VPS35: variants seen among roughly 807,000 people sequenced by gnomAD.
The protein encoded by VPS35 is vacuolar protein sorting-associated protein 35.
Under a neutral mutation model 98.1 loss-of-function variants are expected in VPS35, and 21 were observed. The ratio of observed to expected loss-of-function variants is 0.21; its 90% CI spans 0.15 to 0.31. VPS35 has a LOEUF of 0.31. VPS35 is among the 10% of genes least tolerant of loss of function. The probability of loss-of-function intolerance (pLI) is 1.00; values close to 1 mark genes in which losing one functional copy is unlikely to be tolerated. For synonymous variants in VPS35, 268 were observed against 318.2 expected, an observed-to-expected ratio of 0.84 and a Z score of 1.68; for missense variants, 554 against 950.8, an observed-to-expected ratio of 0.58 and a Z score of 5.49.
At chr16:46,687,187 C>A (rs1966329916) in intron 1 of VPS35, among the ~76,000 whole-genome samples, 1 of 152,114 alleles carries the variant, frequency 6.6e-6, no homozygotes, top group Non-Finnish European at 1.5e-5. Context: ...TCTGACAGTA[C>A]AATGTAAACC....
Position 46,682,160 on chromosome 16 carries a change from T to C in VPS35, c.118A>G (p.Met40Val). ...MKRCLDKNKL[M>V]DALKHASNML... ...TTAGAAGCATGTTTTAGAGCATCCA[T>C]AAGCTTGTTTTTGTCCTACAGAAAT... The change falls in exon 3 of 17, where the codon ATG becomes GTG. Residue 40 changes from methionine (M) to valine (V), a missense_variant. This residue lies in a region of VPS35 where 67 missense variants were observed against 103.3 expected (regional missense o/e 0.65). Coordinates refer to ENST00000299138, the MANE Select transcript of VPS35 (RefSeq NM_018206.6). 3 of 1,613,360 alleles carry C rather than the reference T, an allele frequency of 1.9e-6. No homozygotes were observed. The highest frequency in any genetic ancestry group is 2.5e-6 in the Non-Finnish European group (3 of 1,179,434).
chr16:46,684,556 A>T (rs951487276), intron 1 of VPS35, among the ~76,000 whole-genome samples: 3 of 152,222 alleles, frequency 2.0e-5, no homozygotes, highest in Non-Finnish European at 4.4e-5. Context: ...CCATCAGCAA[A>T]AATCTGCTTG....
chr16:46,683,985 C>A (rs1198711123), intron 1 of VPS35, among the ~76,000 whole-genome samples: 1 of 152,194 alleles, frequency 6.6e-6, no homozygotes, highest in Admixed American at 6.5e-5. Flanking sequence ...CTCGACCTCC[C>A]AAAGTGCTTG....
rs546485076 is a variant in VPS35 at position 46,663,862 on chromosome 16, A to ATTTTTTTTTTTTTTT, written c.1648-715_1648-701dup. ...AGGCTTGCATCACCACACCTGGCTA[A>ATTTTTTTTTTTTTTT]TTTTTTTTTTTTTTTTTTTTTTTTT... On this transcript the variant is annotated intron_variant, in intron 13 of 16. Transcript: ENST00000299138. 8.8e-3 allele frequency among the ~76,000 whole-genome samples: 253 copies of ATTTTTTTTTTTTTTT among 28,684 alleles called. 82 individuals are homozygous for ATTTTTTTTTTTTTTT. Among genetic ancestry groups the ATTTTTTTTTTTTTTT allele is most frequent in the African/African-American group, 0.011 (87 of 7,760 alleles). 18.8% of individuals were successfully genotyped at this position (28,684 alleles called of 152,430 possible).
intron 12 of VPS35, 105 bp from the exon 13 acceptor site, chr16:46,669,157 A>G (rs1425966269): frequency 7.1e-7 from 1 of 1,410,464 alleles, no homozygotes. Context: ...GTGAATATAT[A>G]CAATGTACCA....
intron 1 of VPS35, among the ~76,000 whole-genome samples, chr16:46,685,373 T>G (rs532551146): frequency 6.6e-6 from 1 of 152,274 alleles, no homozygotes; most frequent in African/African-American, 2.4e-5. Context: ...TGAACTAGCA[T>G]AGCTTATAAA....
At position 46,689,143 on chromosome 16, in the gene VPS35, C is replaced by A. The variant is rs763096994; in HGVS notation, c.-10G>T. ...CCTCAGCACTCACCATGGCGACTCC[C>A]CAGAGCCTGCAGCAAGCAGCACCCG... On this transcript the variant is annotated 5_prime_UTR_variant, in exon 1 of 17. Transcript: ENST00000299138. 1 of 1,608,952 alleles carries A rather than the reference C, an allele frequency of 6.2e-7. No homozygotes were observed. Among genetic ancestry groups the A allele is most frequent in the Non-Finnish European group, 8.5e-7 (1 of 1,178,552 alleles).
At chr16:46,671,644 C>T (rs1966070095) in intron 12 of VPS35, 61 bp downstream of exon 12, 2 of 1,603,528 alleles carry the variant, frequency 1.2e-6, no homozygotes, top group Middle Eastern at 1.7e-4. Flanking sequence ...CCATTTTAAG[C>T]ACTTGAACAT....
chr16:46,671,127 GA>G (rs202082366), intron 12 of VPS35, among the ~76,000 whole-genome samples: 8 of 139,858 alleles, frequency 5.7e-5, no homozygotes, highest in Admixed American at 2.9e-4. Flanking sequence ...TTCTTTATCA[GA>G]AAAAAAAAAG....
At chr16:46,674,225 G>A in intron 10 of VPS35, 89 bp downstream of exon 10, 1 of 1,411,520 alleles carries the variant, frequency 7.1e-7, no homozygotes, top group Non-Finnish European at 9.9e-7. Flanking sequence ...CAAGACAAAT[G>A]CCAGCAGTTC....
At chr16:46,671,037 A>G (rs36309) in intron 12 of VPS35, among the ~76,000 whole-genome samples, 149,588 of 151,830 alleles carry the variant, frequency 0.99, 73,717 homozygotes, top group East Asian at 1. Flanking sequence ...TCACTGATAC[A>G]CCTACTCAGG....
chr16:46,676,276 A>G (rs1258651433), intron 8 of VPS35, among the ~76,000 whole-genome samples: 5 of 152,156 alleles, frequency 3.3e-5, no homozygotes, highest in Admixed American at 6.5e-5. Context: ...TTGTTCTTCA[A>G]TATGATCTTT....
chr16:46,676,455 TTATAG>T, intron 8 of VPS35, 123 bp downstream of exon 8: 1 of 715,976 alleles, frequency 1.4e-6, no homozygotes, highest in South Asian at 1.6e-5. Flanking sequence ...GCTAAATTAT[TTATAG>T]TATAATTAAA....
In VPS35 at chr16:46,661,563, A is replaced by T. The variant is rs956639102; in HGVS notation, c.2211+155T>A. 2.7e-5 allele frequency: 21 copies of T among 769,372 alleles called. No homozygotes were observed. The highest frequency in any genetic ancestry group is 3.9e-5 in the Non-Finnish European group (19 of 484,744). 47.7% of individuals were successfully genotyped at this position (769,372 alleles called of 1,614,324 possible). A position where few individuals can be genotyped will look rare whatever the true frequency, so the allele number is the denominator to read the frequency against. On this transcript the variant is annotated intron_variant, in intron 16 of 16. Coordinates refer to ENST00000299138, the MANE Select transcript of VPS35 (RefSeq NM_018206.6). The surrounding 1 kb of genome is among the most constrained non-coding windows in gnomAD (Gnocchi z 4.3). ...ATCTTAAACTAGAACATTATGACAA[A>T]TTAGCCTATTATTTGACATCTGTAA... is the stretch of plus-strand genomic sequence containing the variant.
chr16:46,664,039 A>G (rs1474154039), intron 13 of VPS35, among the ~76,000 whole-genome samples: 1 of 151,648 alleles, frequency 6.6e-6, no homozygotes, highest in Admixed American at 6.6e-5. Context: ...TTTGTAAGTT[A>G]CATTCCCAAA....
At chr16:46,688,475 G>A in intron 1 of VPS35, 1 of 987,290 alleles carries the variant, frequency 1.0e-6, no homozygotes, top group South Asian at 4.7e-5. Flanking sequence ...GACAAAAGAG[G>A]CAAGGTGCGC....
At chr16:46,679,245 A>G in intron 5 of VPS35, 89 bp from the exon 6 acceptor site, 6 of 1,149,770 alleles carry the variant, frequency 5.2e-6, no homozygotes, top group South Asian at 1.3e-5. Context: ...ACTTATCTCT[A>G]TAGTACACCA....
chr16:46,674,065 G>A (rs1395531758), intron 10 of VPS35: 10 of 493,778 alleles, frequency 2.0e-5, no homozygotes, highest in Non-Finnish European at 3.6e-5. Flanking sequence ...CTGACACACA[G>A]AAAGGGATCC....
chr16:46,680,890 A>G (rs1214488619), intron 4 of VPS35, 37 bp from the exon 5 acceptor site: 6 of 1,582,502 alleles, frequency 3.8e-6, no homozygotes, highest in African/African-American at 1.3e-5. Flanking sequence ...TTAGAAATAA[A>G]ATATTCAAAT....
Sources: allele counts gnomAD v4.1 joint callset (sites outside exome capture counted in the v4.1 genomes callset), GRCh38; gene constraint gnomAD v4.1.1; regional missense constraint gnomAD v4.1.1; non-coding constraint Gnocchi (gnomAD v3.1); transcripts MANE v1.5; gene names NCBI Gene and HGNC (gene_info 2026-07-23, HGNC 2026-07-21).